The following NRCAM variants were observed in gnomAD, a reference collection of about 807,000 sequenced individuals.
The protein encoded by NRCAM is neuronal cell adhesion molecule, also known as NgCAM-related cell adhesion molecule.
NRCAM carries 83 observed loss-of-function variants against 156.5 expected under a neutral mutation model. That is an observed-to-expected ratio of 0.53 (90% confidence interval 0.44 to 0.64). The LOEUF (loss-of-function observed/expected upper bound fraction) is 0.64, where lower values mean the gene tolerates loss of function less well. NRCAM is among the 30% of genes least tolerant of loss of function. The pLI is 0.00. For missense variants in NRCAM, 1,417 were observed against 1,597.3 expected, an observed-to-expected ratio of 0.89 and a Z score of 1.92; for synonymous variants, 538 against 563.9, an observed-to-expected ratio of 0.95 and a Z score of 0.65.
chr7:108,363,710 A>G (rs2099573747), intron 2 of NRCAM, among the ~76,000 whole-genome samples: 1 of 152,192 alleles, frequency 6.6e-6, no homozygotes, highest in Non-Finnish European at 1.5e-5. Context: ...TTGATAGTAT[A>G]TATTTTTGAT....
At chr7:108,163,826 T>C (rs1157192274) in intron 30 of NRCAM, among the ~76,000 whole-genome samples, 1 of 92,230 alleles carries the variant, frequency 1.1e-5, no homozygotes, top group Admixed American at 1.1e-4. Flanking sequence ...TGAGAGGTCA[T>C]ACCGGGTGGG....
chr7:108,210,247 T>TTG (rs1029100030), intron 11 of NRCAM, among the ~76,000 whole-genome samples: 1 of 116,460 alleles, frequency 8.6e-6, no homozygotes, highest in Admixed American at 8.1e-5. Flanking sequence ...CCCAATGTTT[T>TTG]GTTTTGTTTT....
rs143754086 is a variant in NRCAM, at chr7:108,375,705, C to T, written c.-174+23731G>A. On this transcript the variant is annotated intron_variant, in intron 2 of 32. Coordinates refer to ENST00000379028, the MANE Select transcript of NRCAM (RefSeq NM_001037132.4). ...CTTATATACAGCCAAAGCAAGTATA[C>T]GGAAATTAGTTAACCCCATGAATAT... 1.2e-4 allele frequency among the ~76,000 whole-genome samples: 18 copies of T among 152,266 alleles called. No individual in the cohort carries two copies. In the East Asian group the frequency reaches 2.1e-3, roughly 18 times the overall value.
chr7:108,182,684 G>C lies in NRCAM; in HGVS notation c.2530+11C>G. ...TTTTGCTGGGGAAAAGTAGGAAATG[G>C]CATCACTTACGGTCTTCTCCAGAAT... On this transcript the variant is annotated intron_variant, in intron 23 of 32. Coordinates refer to ENST00000379028, the MANE Select transcript of NRCAM (RefSeq NM_001037132.4). The C allele has an allele frequency of 6.2e-7, 1 of 1,609,008 alleles. No individual in the cohort carries two copies. Among genetic ancestry groups the C allele is most frequent in the South Asian group, 1.1e-5 (1 of 90,960 alleles).
chr7:108,194,726 G>T (rs1368403893), intron 15 of NRCAM, among the ~76,000 whole-genome samples: 2 of 152,166 alleles, frequency 1.3e-5, no homozygotes, highest in Non-Finnish European at 2.9e-5. Flanking sequence ...AGGGGCCAAG[G>T]GAAATTTTCC....
chr7:108,417,746 CTT>C (rs1435856111), intron 1 of NRCAM, among the ~76,000 whole-genome samples: 2 of 152,070 alleles, frequency 1.3e-5, no homozygotes, highest in African/African-American at 4.8e-5. Flanking sequence ...CTGCTCTTCT[CTT>C]TCTTTCTTTT....
chr7:108,160,535 G>T (rs1164869224), intron 30 of NRCAM, 43 bp from the exon 31 acceptor site: 6 of 1,590,742 alleles, frequency 3.8e-6, no homozygotes, highest in Non-Finnish European at 4.3e-6. Context: ...AGGTTAAGGG[G>T]AGATGGGAAC....
chr7:108,206,337 T>A (rs1399249694), intron 13 of NRCAM, among the ~76,000 whole-genome samples: 1 of 152,204 alleles, frequency 6.6e-6, no homozygotes, highest in African/African-American at 2.4e-5. Flanking sequence ...GCAGACCTTT[T>A]GGTTATGTAA....
intron 2 of NRCAM, among the ~76,000 whole-genome samples, chr7:108,356,195 C>G (rs976974633): frequency 6.6e-6 from 1 of 152,210 alleles, no homozygotes; most frequent in Non-Finnish European, 1.5e-5. Context: ...GATCTGCCTG[C>G]CTTGGCCTCC....
At chr7:108,337,455 C>T (rs908853063) in intron 2 of NRCAM, among the ~76,000 whole-genome samples, 1 of 152,188 alleles carries the variant, frequency 6.6e-6, no homozygotes, top group Non-Finnish European at 1.5e-5. Context: ...TGACTTCCAT[C>T]CCTCTGGATC....
chr7:108,191,914 T>G lies in NRCAM; in HGVS notation c.1779-61A>C, dbSNP rs2071924217. The G allele has an allele frequency of 1.4e-5, 21 of 1,529,106 alleles. 2 individuals carry two copies. The South Asian group carries it at 2.5e-4, about 18-fold the overall frequency. 94.7% of individuals were successfully genotyped at this position (1,529,106 alleles called of 1,614,324 possible). A position where few individuals can be genotyped will look rare whatever the true frequency, so the allele number is the denominator to read the frequency against. On this transcript the variant is annotated intron_variant, in intron 17 of 32. Transcript: ENST00000379028. ...ACATGCAGCCGTACCCTATAATTGCTTCACTGGCAGGAAAAAAACTGTAAA... is the reference window on the plus strand; with the variant it reads ...ACATGCAGCCGTACCCTATAATTGCGTCACTGGCAGGAAAAAAACTGTAAA...
Position 108,168,266 on chromosome 7 carries a change from T to C in NRCAM, c.3313+11A>G, listed in dbSNP as rs1268799997. The C allele has an allele frequency of 6.7e-7, 1 of 1,491,172 alleles. No homozygotes were observed. Among genetic ancestry groups the C allele is most frequent in the African/African-American group, 1.4e-5 (1 of 69,772 alleles). The allele number at this position is 1,491,172 out of a possible 1,614,324, so 92.4% of individuals were successfully genotyped here. On this transcript the variant is annotated intron_variant, in intron 29 of 32. Transcript: ENST00000379028. Reference sequence around the variant, plus strand: ...CCAAATTAAAAATCGGGTAATGAAATTGTTTCTTACTGCCTGCTACACCAT... The same window carrying C: ...CCAAATTAAAAATCGGGTAATGAAACTGTTTCTTACTGCCTGCTACACCAT...
At chr7:108,416,543 T>G (rs1033036362) in intron 1 of NRCAM, among the ~76,000 whole-genome samples, 8 of 151,890 alleles carry the variant, frequency 5.3e-5, no homozygotes, top group East Asian at 1.9e-4. Context: ...TTAATTTCAT[T>G]TGATGTCTAA....
chr7:108,363,926 T>C (rs1464021379), intron 2 of NRCAM, among the ~76,000 whole-genome samples: 1 of 151,888 alleles, frequency 6.6e-6, no homozygotes, highest in African/African-American at 2.4e-5. Context: ...ACATAACAAA[T>C]AAAATGTAAT....
At position 108,371,671 on chromosome 7, in the gene NRCAM, A is replaced by G. The variant is rs140516374; in HGVS notation, c.-174+27765T>C. 1.0e-3 allele frequency among the ~76,000 whole-genome samples: 158 copies of G among 152,290 alleles called. 1 individual carries two copies. The highest frequency in any genetic ancestry group is 3.7e-3 in the African/African-American group (152 of 41,574). On this transcript the variant is annotated intron_variant, in intron 2 of 32. Coordinates refer to ENST00000379028, the MANE Select transcript of NRCAM (RefSeq NM_001037132.4). ...CTGTGGATATACAGATGATTAAGAC[A>G]CTGCCTCTTATTCCAGATTACTCAG...
At chr7:108,410,808 ACTGATTTTTT>A (rs59152436) in intron 1 of NRCAM, among the ~76,000 whole-genome samples, 14,253 of 152,092 alleles carry the variant, frequency 0.094, 1,701 homozygotes, top group African/African-American at 0.28. Context: ...GACCCTTGAA[ACTGATTTTTT>A]CTATACTAGT....
At chr7:108,342,741 T>C (rs2099305367) in intron 2 of NRCAM, among the ~76,000 whole-genome samples, 1 of 152,238 alleles carries the variant, frequency 6.6e-6, no homozygotes, top group African/African-American at 2.4e-5. Flanking sequence ...GTTGGCCTCA[T>C]TGTTTACAGG....
At chr7:108,277,727 G>A (rs1395973000) in intron 3 of NRCAM, among the ~76,000 whole-genome samples, 1 of 152,072 alleles carries the variant, frequency 6.6e-6, no homozygotes, top group Non-Finnish European at 1.5e-5. Context: ...ACCTTCTGAA[G>A]CCTACTTCTG....
chr7:108,455,540 T>G (rs1397131041), intron 1 of NRCAM, among the ~76,000 whole-genome samples: 1 of 152,086 alleles, frequency 6.6e-6, no homozygotes, highest in Non-Finnish European at 1.5e-5. Context: ...GACCCGCACC[T>G]GTAAGGCCGA....
Sources: gnomAD v4.1 joint callset for allele counts (sites outside exome capture counted in the v4.1 genomes callset) on GRCh38, gnomAD v4.1.1 for gene constraint, MANE v1.5 for transcripts, NCBI Gene and HGNC (gene_info 2026-07-23, HGNC 2026-07-21) for gene names.